Variants in HDAC5 observed in about 807,000 individuals in gnomAD.
HDAC5 encodes histone deacetylase 5.
Under a neutral mutation model 133.3 loss-of-function variants are expected in HDAC5, and 25 were observed. The ratio of observed to expected loss-of-function variants is 0.19; its 90% CI spans 0.14 to 0.26. The LOEUF (loss-of-function observed/expected upper bound fraction) is 0.26. Among genes scored for constraint, HDAC5 ranks in the 10% least tolerant of loss-of-function variants. The probability of loss-of-function intolerance (pLI) is 1.00; values close to 1 mark genes in which losing one functional copy is unlikely to be tolerated. For missense variants in HDAC5, 1,041 were observed against 1,460.5 expected (o/e 0.71, Z 4.68); for synonymous variants, 589 against 610.8 (o/e 0.96, Z 0.53).
At chr17:44,092,104 T>G in intron 9 of HDAC5, 68 bp downstream of exon 9, 2 of 1,364,560 alleles carry the variant, frequency 1.5e-6, no homozygotes, top group Non-Finnish European at 2.1e-6. Flanking sequence ...TGGAAGGAGC[T>G]GCACTCTTTC....
At chr17:44,111,043 C>T (rs1251748670) in intron 2 of HDAC5, 3 of 536,786 alleles carry the variant, frequency 5.6e-6, no homozygotes, top group South Asian at 1.9e-5. Flanking sequence ...CAGGGAGGCC[C>T]TAGAGCTGCA....
rs955557914 is a variant in HDAC5 at position 44,111,215 on chromosome 17, G to A, written c.23-415C>T. On this transcript the variant is annotated intron_variant, in intron 2 of 26. Transcript: ENST00000682912. ...GTGACAGCTCTGGGCCCGGCTCCCT[G>A]CTCCTCCTTCCCGAATGAGCCGCCG... The A allele has an allele frequency of 6.4e-5, 19 of 298,200 alleles. No homozygotes were observed. The Admixed American group carries it at 8.1e-4, about 13-fold the overall frequency. 18.5% of individuals were successfully genotyped at this position (298,200 alleles called of 1,614,324 possible). A position where few individuals can be genotyped will look rare whatever the true frequency, so the allele number is the denominator to read the frequency against.
chr17:44,092,817 G>A lies in HDAC5; in HGVS notation c.642-11C>T, dbSNP rs751331535. 3.5e-6 allele frequency: 3 copies of A among 863,878 alleles called. No homozygotes were observed. The highest frequency in any genetic ancestry group is 2.6e-5 in the East Asian group (1 of 38,610). 53.5% of individuals were successfully genotyped at this position (863,878 alleles called of 1,614,324 possible). On this transcript the variant is annotated splice_polypyrimidine_tract_variant and intron_variant, in intron 6 of 26. Transcript: ENST00000682912. ...GCATGGTGGGCTCCCCTGGGGTGGGGGGGGGGTGGGGATGGAAGCAGATCT... is the reference window on the plus strand; with the variant it reads ...GCATGGTGGGCTCCCCTGGGGTGGGAGGGGGGTGGGGATGGAAGCAGATCT...
At chr17:44,082,720 G>T (rs776120499) in intron 19 of HDAC5, 45 bp downstream of exon 19, 28 of 1,609,894 alleles carry the variant, frequency 1.7e-5, no homozygotes, top group Non-Finnish European at 2.2e-5. Context: ...CATGACGTTT[G>T]CAAGAGACAG....
At chr17:44,086,946 A>AAAGTTACCTC (rs2050681857) in intron 13 of HDAC5, among the ~76,000 whole-genome samples, 1 of 139,010 alleles carries the variant, frequency 7.2e-6, no homozygotes, top group South Asian at 2.8e-4. Context: ...GAGTCACATC[A>AAAGTTACCTC]AAGAGTAGCA....
Position 44,091,396 on chromosome 17 carries a change from A to T in HDAC5, c.1261T>A (p.Ser421Thr). The T allele has an allele frequency of 1.3e-6, 2 of 1,577,694 alleles. No individual in the cohort carries two copies. The highest frequency in any genetic ancestry group is 1.7e-6 in the Non-Finnish European group (2 of 1,162,306). Residue 421 changes from serine (S) to threonine (T), a missense_variant, in exon 11 of 27, where the codon TCC becomes ACC. Ser to Thr is a moderately conservative substitution (Grantham distance 58, BLOSUM62 1). Coordinates refer to ENST00000682912, the MANE Select transcript of HDAC5 (RefSeq NM_005474.5). ...CCCAGCAGGCAGCCAGGAATAGAGG[A>T]TGTGCTCATGAACTTGCCGGTCAGC... ...GTLTGKFMST[S>T]SIPGCLLGVA...
At chr17:44,118,887 T>C (rs2143654679) in intron 1 of HDAC5, among the ~76,000 whole-genome samples, 1 of 152,286 alleles carries the variant, frequency 6.6e-6, no homozygotes, top group East Asian at 1.9e-4. Flanking sequence ...TCAGTAAGCC[T>C]TACATTCTCA....
In HDAC5 at chr17:44,079,195, G is replaced by C. The variant is rs765402187; in HGVS notation, c.3027C>G (p.Thr1009=). ...AAGCCTCAGAGGCATCACAGATGGC[G>C]GTCAAGTCATGGCCTCCCTCCAGGG... ...VLALEGGHDL[T]AICDASEACV... is the part of the protein sequence containing the mutation. The change falls in exon 24 of 27, where the codon ACC becomes ACG. Residue 1009 remains threonine, a synonymous_variant. Transcript: ENST00000682912. The C allele has an allele frequency of 6.2e-7, 1 of 1,612,990 alleles. No homozygotes were observed. The highest frequency in any genetic ancestry group is 8.5e-7 in the Non-Finnish European group (1 of 1,179,104).
rs2050211613 is a variant in HDAC5 at position 44,078,406 on chromosome 17, C to T, written c.3339G>A (p.Glu1113=). 1.3e-6 allele frequency: 2 copies of T among 1,528,966 alleles called. No homozygotes were observed. Among genetic ancestry groups the T allele is most frequent in the African/African-American group, 1.4e-5 (1 of 72,212 alleles). 94.7% of individuals were successfully genotyped at this position (1,528,966 alleles called of 1,614,324 possible). A position where few individuals can be genotyped will look rare whatever the true frequency, so the allele number is the denominator to read the frequency against. ...AAREHSPRPA[E]EPMEQEPAL is the part of the protein sequence containing the mutation. The stretch of plus-strand genomic sequence containing the variant: ...GGGCAGGCTCCTGCTCCATGGGCTC[C>T]TCTGCCGGCCTGTGGGGCAAGCACA... Residue 1113 remains glutamate, a synonymous_variant, in exon 27 of 27, where the codon GAG becomes GAA. Transcript: ENST00000682912.
chr17:44,104,240 G>C (rs1018309201), intron 3 of HDAC5, among the ~76,000 whole-genome samples: 1 of 151,906 alleles, frequency 6.6e-6, no homozygotes, highest in African/African-American at 2.4e-5. Context: ...AGAGGCGGAG[G>C]TTGCAGTGAG....
At chr17:44,118,667 C>T (rs931500338) in intron 1 of HDAC5, among the ~76,000 whole-genome samples, 9 of 152,154 alleles carry the variant, frequency 5.9e-5, no homozygotes, top group African/African-American at 9.7e-5. Context: ...CATCCCTAAA[C>T]GGCCCACGAT....
Position 44,078,311 on chromosome 17 carries a change from TG to T in HDAC5, c.*64del. 1 of 1,471,414 alleles carries T rather than the reference TG, an allele frequency of 6.8e-7. No individual in the cohort carries two copies. Among genetic ancestry groups the T allele is most frequent in the South Asian group, 1.4e-5 (1 of 69,328 alleles). The allele number at this position is 1,471,414 out of a possible 1,614,324, so 91.1% of individuals were successfully genotyped here. ...ACACCTTGTTGAATGTGTGACTTTTTGTTTTTAATAGAAAAAATAAACAAAA... is the reference window on the plus strand; with the variant it reads ...ACACCTTGTTGAATGTGTGACTTTTTTTTTTAATAGAAAAAATAAACAAAA... On this transcript the variant is annotated 3_prime_UTR_variant, in exon 27 of 27. Coordinates refer to ENST00000682912, the MANE Select transcript of HDAC5 (RefSeq NM_005474.5).
intron 20 of HDAC5, 70 bp from the exon 21 acceptor site, chr17:44,080,952 A>G: frequency 3.1e-6 from 5 of 1,601,090 alleles, no homozygotes; most frequent in Non-Finnish European, 4.3e-6. Context: ...TCCACCTGTC[A>G]GCTGAGCACT....
chr17:44,086,850 T>C (rs2050675143), intron 13 of HDAC5, 113 bp from the exon 14 acceptor site: 1 of 744,640 alleles, frequency 1.3e-6, no homozygotes. Flanking sequence ...CTTCCAAGTC[T>C]CCTTCCCCCA....
intron 21 of HDAC5, 57 bp from the exon 22 acceptor site, chr17:44,080,555 C>T (rs1597926632): frequency 1.3e-6 from 2 of 1,560,706 alleles, no homozygotes; most frequent in Non-Finnish European, 1.8e-6. Context: ...CCAAACATTG[C>T]CCCTGCCCTC....
intron 1 of HDAC5, among the ~76,000 whole-genome samples, chr17:44,119,579 T>C (rs1371906473): frequency 6.6e-6 from 1 of 152,078 alleles, no homozygotes; most frequent in African/African-American, 2.4e-5. Flanking sequence ...CTCCTCCCCG[T>C]CCTATAAAAT....
chr17:44,090,634 A>G (rs2050898366), intron 11 of HDAC5, among the ~76,000 whole-genome samples: 1 of 151,894 alleles, frequency 6.6e-6, no homozygotes. Flanking sequence ...CTTGGCCTCC[A>G]AAGTGCCGGG....
At position 44,092,787 on chromosome 17, in the gene HDAC5, A is replaced by G. The variant is rs567769945; in HGVS notation, c.661T>C (p.Leu221=). The change falls in exon 7 of 27, where the codon TTG becomes CTG. Residue 221 remains leucine, a synonymous_variant. Transcript: ENST00000682912. ...CTCTGGGGAGGGGAACTCTGGTCCA[A>G]AGAAGCATGGTGGGCTCCCCTGGGG... ...PKCWGAHHAS[L]DQSSPPQSGP... is the part of the protein sequence containing the mutation. 43 of 1,196,700 alleles carry G rather than the reference A, an allele frequency of 3.6e-5. No homozygotes were observed. The highest frequency in any genetic ancestry group is 2.1e-4 in the Middle Eastern group (1 of 4,802). 74.1% of individuals were successfully genotyped at this position (1,196,700 alleles called of 1,614,324 possible).
intron 6 of HDAC5, 43 bp from the exon 7 acceptor site, chr17:44,092,849 T>C: frequency 1.2e-6 from 1 of 817,426 alleles, no homozygotes; most frequent in Non-Finnish European, 1.9e-6. Flanking sequence ...ATCTAGGTTA[T>C]CACCCAGTCT....
Sources: gnomAD v4.1 joint callset for allele counts (sites outside exome capture counted in the v4.1 genomes callset) on GRCh38, gnomAD v4.1.1 for gene constraint, MANE v1.5 for transcripts, NCBI Gene and HGNC (gene_info 2026-07-23, HGNC 2026-07-21) for gene names.